The following MYH9 variants were observed in gnomAD, a reference collection of about 807,000 sequenced individuals.
MYH9 encodes myosin heavy chain 9.
A neutral mutation model predicts 241.9 loss-of-function variants in MYH9; 29 were observed. The ratio of observed to expected loss-of-function variants is 0.12; its 90% CI spans 0.09 to 0.16. MYH9 has a LOEUF of 0.16. Ranked by LOEUF, MYH9 falls within the 10% of genes least tolerant of loss-of-function variation. MYH9 has a pLI of 1.00. For missense variants in MYH9, 1,803 were observed against 2,595.5 expected (o/e 0.69, Z 6.63); for synonymous variants, 1,047 against 1,062.6 (o/e 0.99, Z 0.29).
chr22:36,387,719 A>C (rs1214161175), intron 1 of MYH9, 88 bp downstream of exon 1: 1 of 151,220 alleles, frequency 6.6e-6, no homozygotes. Context: ...GAGCCCAAGA[A>C]CCACCAGTCG....
At chr22:36,303,398 G>A (rs1459643307) in intron 19 of MYH9, among the ~76,000 whole-genome samples, 3 of 151,830 alleles carry the variant, frequency 2.0e-5, no homozygotes, top group Admixed American at 6.6e-5. Flanking sequence ...AGGGTCACAC[G>A]GTAAGGAGTC....
Position 36,320,483 on chromosome 22 carries a change from A to C in MYH9, c.869-120T>G. ...GACCCTGAGCCCTGACGCACCCTGGAAACCGCAGAGTAGCCAGTGACGTTC... is the reference window on the plus strand; with the variant it reads ...GACCCTGAGCCCTGACGCACCCTGGCAACCGCAGAGTAGCCAGTGACGTTC... On this transcript the variant is annotated intron_variant, in intron 8 of 40. Coordinates refer to ENST00000216181, the MANE Select transcript of MYH9 (RefSeq NM_002473.6). This position sits in a 1 kb window ranked among gnomAD's most constrained non-coding sequence, Gnocchi z 4.8. 1 of 1,311,620 alleles carries C rather than the reference A, an allele frequency of 7.6e-7. No homozygotes were observed. The highest frequency in any genetic ancestry group is 1.1e-6 in the Non-Finnish European group (1 of 924,808). The allele number at this position is 1,311,620 out of a possible 1,614,324, so 81.2% of individuals were successfully genotyped here. A position where few individuals can be genotyped will look rare whatever the true frequency, so the allele number is the denominator to read the frequency against.
chr22:36,294,898 G>A, intron 27 of MYH9, 34 bp downstream of exon 27: 1 of 1,607,536 alleles, frequency 6.2e-7, no homozygotes, highest in Non-Finnish European at 8.5e-7. Flanking sequence ...GGGGAACCCT[G>A]CCCTCCCCCT....
At position 36,289,109 on chromosome 22, in the gene MYH9, G is replaced by A. The variant is rs2016641506; in HGVS notation, c.4533C>T (p.Ser1511=). 1 of 1,614,082 alleles carries A rather than the reference G, an allele frequency of 6.2e-7. No homozygotes were observed. The highest frequency in any genetic ancestry group is 1.3e-5 in the African/African-American group (1 of 75,048). ...QFRTEMEDLM[S]SKDDVGKSVH... is the part of the protein sequence containing the mutation. ...CACTCTTGCCCACATCATCCTTGGAGCTCATAAGGTCCTCCATCTCCGTGC... is the reference window on the plus strand; with the variant it reads ...CACTCTTGCCCACATCATCCTTGGAACTCATAAGGTCCTCCATCTCCGTGC... The change falls in exon 32 of 41, where the codon AGC becomes AGT. Residue 1511 remains serine (S), a synonymous_variant. Transcript: ENST00000216181.
At chr22:36,380,984 C>A (rs1012036641) in intron 1 of MYH9, among the ~76,000 whole-genome samples, 1 of 152,098 alleles carries the variant, frequency 6.6e-6, no homozygotes, top group African/African-American at 2.4e-5. Flanking sequence ...GGAAGTAGAT[C>A]AGAAAGGACT....
At chr22:36,366,515 C>T (rs1379531418) in intron 1 of MYH9, among the ~76,000 whole-genome samples, 2 of 152,144 alleles carry the variant, frequency 1.3e-5, no homozygotes, top group South Asian at 2.1e-4. Context: ...TGAAGGGTCA[C>T]GCGGCCCCTC....
chr22:36,361,063 C>CTAAT (rs1486565990), intron 1 of MYH9, among the ~76,000 whole-genome samples: 2 of 152,330 alleles, frequency 1.3e-5, no homozygotes, highest in East Asian at 3.9e-4. Context: ...TAACCTACAG[C>CTAAT]AGCCTCGACC....
intron 14 of MYH9, 51 bp downstream of exon 14, chr22:36,311,998 C>G: frequency 6.2e-7 from 1 of 1,601,778 alleles, no homozygotes. Flanking sequence ...AGCCTCGACT[C>G]CACCTCTCCT....
rs1246118225 is a variant in MYH9 at position 36,285,425 on chromosome 22, AC to A, written c.5275-97del. ...GAAGGTGGCAGCAGGATCCCACCAA[AC>A]CCTTGGGGTCCAGAGTCTTGGGTCT... On this transcript the variant is annotated intron_variant, in intron 37 of 40. Coordinates refer to ENST00000216181, the MANE Select transcript of MYH9 (RefSeq NM_002473.6). This position sits in a 1 kb window ranked among gnomAD's most constrained non-coding sequence, Gnocchi z 7.0. 6.4e-6 allele frequency: 9 copies of A among 1,412,576 alleles called. No individual in the cohort carries two copies. In the East Asian group the frequency reaches 1.6e-4, roughly 25 times the overall value. The allele number at this position is 1,412,576 out of a possible 1,614,324, so 87.5% of individuals were successfully genotyped here. A position where few individuals can be genotyped will look rare whatever the true frequency, so the allele number is the denominator to read the frequency against.
At position 36,285,956 on chromosome 22, in the gene MYH9, G is replaced by A; in HGVS notation, c.5062-3C>T. ...GCACGCTCCGCGGCTGCCAGTTCCT[G>A]CCACAAAGACCCAGAGTGTGACCTA... On this transcript the variant is annotated splice_region_variant and splice_polypyrimidine_tract_variant and intron_variant, in intron 35 of 40. Transcript: ENST00000216181. This position sits in a 1 kb window ranked among gnomAD's most constrained non-coding sequence, Gnocchi z 7.0. 1 of 1,610,210 alleles carries A rather than the reference G, an allele frequency of 6.2e-7. No individual in the cohort carries two copies. The highest frequency in any genetic ancestry group is 8.5e-7 in the Non-Finnish European group (1 of 1,179,968).
chr22:36,364,015 T>A (rs184427258), intron 1 of MYH9, among the ~76,000 whole-genome samples: 1 of 152,072 alleles, frequency 6.6e-6, no homozygotes, highest in Non-Finnish European at 1.5e-5. Flanking sequence ...TGCAGAAAAA[T>A]AACCATACTC....
At position 36,384,594 on chromosome 22, in the gene MYH9, A is replaced by T. The variant is rs868323516; in HGVS notation, c.-20+3213T>A. Among the ~76,000 whole-genome samples, 279 of 40,346 alleles carry T rather than the reference A, an allele frequency of 6.9e-3. 3 individuals are homozygous for T. Among genetic ancestry groups the T allele is most frequent in the African/African-American group, 0.022 (272 of 12,422 alleles). 26.5% of individuals were successfully genotyped at this position (40,346 alleles called of 152,430 possible). ...CAAGACTCTGTCTCAAAAAAAAAAA[A>T]AAAAAAAAAAAAAAAAAATATATAT... On this transcript the variant is annotated intron_variant, in intron 1 of 40. Coordinates refer to ENST00000216181, the MANE Select transcript of MYH9 (RefSeq NM_002473.6).
Position 36,377,890 on chromosome 22 carries a change from G to A in MYH9, c.-20+9917C>T, listed in dbSNP as rs138485765. Among the ~76,000 whole-genome samples, 661 of 152,088 alleles carry A rather than the reference G, an allele frequency of 4.3e-3. 5 individuals are homozygous for A. The highest frequency in any genetic ancestry group is 7.9e-3 in the Non-Finnish European group (538 of 67,990). On this transcript the variant is annotated intron_variant, in intron 1 of 40. Transcript: ENST00000216181. ...GGTGCCACTGCAGTCCAGCCTGGACGACAGAGCAAGACTCCGTCTCAAAAA... is the reference window on the plus strand; with the variant it reads ...GGTGCCACTGCAGTCCAGCCTGGACAACAGAGCAAGACTCCGTCTCAAAAA...
At position 36,314,382 on chromosome 22, in the gene MYH9, C is replaced by T. The variant is rs552653741; in HGVS notation, c.1381-64G>A. The T allele has an allele frequency of 2.5e-4, 402 of 1,595,122 alleles. 2 individuals are homozygous for T. In the African/African-American group the frequency reaches 4.6e-3, roughly 18 times the overall value. On this transcript the variant is annotated intron_variant, in intron 12 of 40. Transcript: ENST00000216181. The stretch of plus-strand genomic sequence containing the variant: ...CTGCACTAAAGAGGCCCAGACACCC[C>T]TTGAGAAGGAGGGTGGGGCAGGGAT...
intron 1 of MYH9, among the ~76,000 whole-genome samples, chr22:36,373,861 A>G (rs1056374643): frequency 6.6e-6 from 1 of 151,960 alleles, no homozygotes; most frequent in East Asian, 1.9e-4. Flanking sequence ...CTGGCGACCA[A>G]TGAAACATAG....
chr22:36,324,172 G>A (rs187735229), intron 5 of MYH9, among the ~76,000 whole-genome samples: 190 of 152,372 alleles, frequency 1.2e-3, no homozygotes, highest in African/African-American at 4.0e-3. Flanking sequence ...CGCTGTTGCC[G>A]TGGAAAGTGG....
At chr22:36,348,571 A>G (rs1170538245) in intron 2 of MYH9, among the ~76,000 whole-genome samples, 3 of 152,046 alleles carry the variant, frequency 2.0e-5, no homozygotes, top group Non-Finnish European at 2.9e-5. Flanking sequence ...TACAACATTG[A>G]CCTGAACCTT....
rs949921215 is a variant in MYH9 at position 36,377,803 on chromosome 22, C to T, written c.-20+10004G>A. The stretch of plus-strand genomic sequence containing the variant: ...CGGGCACCTTGTAGTCTCAGCTACT[C>T]GGGAGGCTGAGGCAGAAGAATGGCG... On this transcript the variant is annotated intron_variant, in intron 1 of 40. Transcript: ENST00000216181. Among the ~76,000 whole-genome samples, 8 of 151,776 alleles carry T rather than the reference C, an allele frequency of 5.3e-5. No homozygotes were observed. The East Asian group carries it at 5.8e-4, about 11-fold the overall frequency.
At chr22:36,319,454 G>C in intron 10 of MYH9, 86 bp downstream of exon 10, 4 of 1,274,176 alleles carry the variant, frequency 3.1e-6, no homozygotes, top group Non-Finnish European at 2.3e-6. Flanking sequence ...AATAGTGTCC[G>C]GAATTTCCGC....
Sources: allele counts gnomAD v4.1 joint callset (sites outside exome capture counted in the v4.1 genomes callset), GRCh38; gene constraint gnomAD v4.1.1; non-coding constraint Gnocchi (gnomAD v3.1); transcripts MANE v1.5; gene names NCBI Gene and HGNC (gene_info 2026-07-23, HGNC 2026-07-21).